The following DCAF6 variants were observed in gnomAD, a reference collection of about 807,000 sequenced individuals.
DCAF6 encodes the protein DDB1- and CUL4-associated factor 6.
In DCAF6, 54 loss-of-function variants were observed where a neutral mutation model predicts 125.1. The ratio of observed to expected loss-of-function variants is 0.43; its 90% CI spans 0.35 to 0.54. The LOEUF (loss-of-function observed/expected upper bound fraction) is 0.54. Ranked by LOEUF, DCAF6 falls within the 20% of genes least tolerant of loss-of-function variation. The pLI, the probability that DCAF6 is intolerant of heterozygous loss-of-function variation, is 0.01. For synonymous variants in DCAF6, 371 were observed against 390.4 expected (o/e 0.95, Z 0.58); for missense variants, 934 against 1,161.7 (o/e 0.80, Z 2.85).
chr1:167,892,334 G>A, the DCAF6 span, among the ~76,000 whole-genome samples: 1 of 152,136 alleles, frequency 6.6e-6, no homozygotes, highest in Non-Finnish European at 1.5e-5. Context: ...CTGAGTTTTG[G>A]CTTGGAAAAG....
chr1:167,951,836 C>A lies in DCAF6; in HGVS notation c.134C>A (p.Ala45Glu). Residue 45 changes from alanine (A) to glutamate (E), a missense_variant, in exon 2 of 22, where the codon GCA (alanine) becomes GAA (glutamate). Physicochemically the swap from Ala to Glu is moderately radical, Grantham distance 107. Around this residue, in one of 5 missense-constraint regions of DCAF6, gnomAD observed 309 missense variants for 381.2 expected, o/e 0.81. Coordinates refer to ENST00000367840, the MANE Select transcript of DCAF6 (RefSeq NM_001198956.2). ...REFIQRLKLE[A>E]TLNVHDGCVN... ...TTTATCCAAAGATTAAAACTTGAAG[C>A]AACCCTTAATGTGCATGATGGTTGT... The A allele has an allele frequency of 6.2e-7, 1 of 1,606,630 alleles. No homozygotes were observed. The highest frequency in any genetic ancestry group is 8.5e-7 in the Non-Finnish European group (1 of 1,173,738).
chr1:167,925,794 G>A, the DCAF6 span, among the ~76,000 whole-genome samples: 8 of 151,830 alleles, frequency 5.3e-5, no homozygotes, highest in Non-Finnish European at 7.4e-5. Context: ...TGATCTGCCC[G>A]CCTCAGCCTC....
chr1:168,004,693 T>C lies in DCAF6; in HGVS notation c.1278T>C (p.Ser426=). ...CAGCTCAGGCTCATTCGACATCATC[T>C]CCCACAGAAAGCCCTCATTCTACTC... ...TMSAQAHSTS[S]PTESPHSTPL... is the part of the protein sequence containing the mutation. The change falls in exon 10 of 22, where the codon TCT becomes TCC. Residue 426 remains serine (S), a synonymous_variant. Transcript: ENST00000367840. 1 of 1,614,012 alleles carries C rather than the reference T, an allele frequency of 6.2e-7. No individual in the cohort carries two copies. The highest frequency in any genetic ancestry group is 8.5e-7 in the Non-Finnish European group (1 of 1,179,920).
the DCAF6 span, among the ~76,000 whole-genome samples, chr1:167,895,961 A>G: frequency 4.1e-4 from 62 of 152,352 alleles, no homozygotes; most frequent in Non-Finnish European, 6.8e-4. Flanking sequence ...AAACTAGAAA[A>G]GAATAATACT....
chr1:168,007,484 TCTG>T (rs1254720322), intron 10 of DCAF6, among the ~76,000 whole-genome samples: 3 of 152,182 alleles, frequency 2.0e-5, no homozygotes, highest in South Asian at 2.1e-4. Flanking sequence ...CCAACCCCCA[TCTG>T]CTTTTCAACC....
intron 10 of DCAF6, among the ~76,000 whole-genome samples, chr1:168,009,345 CCCTTCCTTCCTTCCTTCCTTCCTT>C (rs199573600): frequency 3.1e-5 from 4 of 127,814 alleles, no homozygotes; most frequent in African/African-American, 6.2e-5. Context: ...CTTCCTTCCT[CCCTTCCTTCCTTCCTTCCTTCCTT>C]CCTTCCTTCC....
In DCAF6 at chr1:168,004,644, A is replaced by G. The variant is rs370456367; in HGVS notation, c.1229A>G (p.Gln410Arg). ...EVDTPAEQFL[Q>R]PSTSSTMSAQ... Reference sequence around the variant, plus strand: ...GATACTCCAGCTGAACAATTTCTTCAGCCTTCTACATCCTCTACAATGTCA... The same window carrying G: ...GATACTCCAGCTGAACAATTTCTTCGGCCTTCTACATCCTCTACAATGTCA... Residue 410 changes from glutamine to arginine, a missense_variant, in exon 10 of 22, where the codon CAG (glutamine) becomes CGG (arginine). This residue lies in a region of DCAF6 where 559 missense variants were observed against 635.5 expected (regional missense o/e 0.88). Transcript: ENST00000367840. 1.1e-5 allele frequency: 18 copies of G among 1,613,724 alleles called. No individual in the cohort carries two copies. In the African/African-American group the frequency reaches 2.4e-4, roughly 22 times the overall value.
upstream of DCAF6, among the ~76,000 whole-genome samples, chr1:167,935,510 A>G (rs544715811): frequency 6.6e-6 from 1 of 152,296 alleles, no homozygotes; most frequent in South Asian, 2.1e-4. Flanking sequence ...CGGATGTCAC[A>G]TAGGTGGGGA....
chr1:167,904,928 G>C, the DCAF6 span: 1 of 1,608,974 alleles, frequency 6.2e-7, no homozygotes, highest in African/African-American at 1.3e-5. Context: ...ATCAAGCTCT[G>C]CATGTGAATT....
intron 12 of DCAF6, among the ~76,000 whole-genome samples, chr1:168,037,039 G>A (rs905004079): frequency 6.6e-6 from 1 of 151,184 alleles, no homozygotes; most frequent in African/African-American, 2.4e-5. Flanking sequence ...TGTATTTGAA[G>A]TCTTGTTAAT....
the DCAF6 span, among the ~76,000 whole-genome samples, chr1:167,903,642 G>C: frequency 6.6e-6 from 1 of 152,118 alleles, no homozygotes; most frequent in Non-Finnish European, 1.5e-5. Context: ...TTTAAAAGCA[G>C]TGTATAATTC....
At chr1:168,009,245 T>G (rs1328662742) in intron 10 of DCAF6, among the ~76,000 whole-genome samples, 1 of 151,652 alleles carries the variant, frequency 6.6e-6, no homozygotes, top group Non-Finnish European at 1.5e-5. Flanking sequence ...TGATCCGCCC[T>G]CCTCGGCCTC....
chr1:167,978,189 G>A (rs766065672), intron 4 of DCAF6, among the ~76,000 whole-genome samples: 4 of 152,140 alleles, frequency 2.6e-5, no homozygotes, highest in Non-Finnish European at 5.9e-5. Flanking sequence ...ATTGTTTTAC[G>A]TGTCTTTTCA....
chr1:167,966,494 G>GAC, intron 2 of DCAF6, 135 bp from the exon 3 acceptor site: 1 of 607,464 alleles, frequency 1.6e-6, no homozygotes. Flanking sequence ...CATAAGATTG[G>GAC]ACACCCCTAT....
At chr1:167,923,502 A>G in the DCAF6 span, among the ~76,000 whole-genome samples, 1 of 152,164 alleles carries the variant, frequency 6.6e-6, no homozygotes, top group Non-Finnish European at 1.5e-5. Context: ...AGTGAAATTC[A>G]TAGAGACAGA....
At chr1:168,049,412 T>A (rs57775588) in intron 16 of DCAF6, among the ~76,000 whole-genome samples, 3,716 of 105,146 alleles carry the variant, frequency 0.035, 179 homozygotes, top group African/African-American at 0.13. Flanking sequence ...TCTGCTAATT[T>A]GTTGTTGTTG....
chr1:167,877,366 A>G, the DCAF6 span, among the ~76,000 whole-genome samples: 10 of 151,748 alleles, frequency 6.6e-5, no homozygotes, highest in African/African-American at 2.4e-4. Context: ...TGGCCTATGT[A>G]TGCCAAGCAC....
intron 1 of DCAF6, among the ~76,000 whole-genome samples, chr1:167,943,068 G>A (rs922549795): frequency 3.3e-5 from 5 of 151,992 alleles, no homozygotes; most frequent in African/African-American, 9.7e-5. Flanking sequence ...CACCACGCCC[G>A]GCTAATTTTT....
chr1:167,922,385 A>G, the DCAF6 span, among the ~76,000 whole-genome samples: 1 of 152,148 alleles, frequency 6.6e-6, no homozygotes, highest in African/African-American at 2.4e-5. Flanking sequence ...AAACTGTGGT[A>G]AATTTGAGAT....
Sources: allele counts gnomAD v4.1 joint callset (sites outside exome capture counted in the v4.1 genomes callset), GRCh38; gene constraint gnomAD v4.1.1; regional missense constraint gnomAD v4.1.1; transcripts MANE v1.5; gene names NCBI Gene and HGNC (gene_info 2026-07-23, HGNC 2026-07-21).